PLEKHD1: variants seen among roughly 807,000 people sequenced by gnomAD.
The protein encoded by PLEKHD1 is pleckstrin homology domain-containing family D member 1.
PLEKHD1 carries 51 observed loss-of-function variants against 69.2 expected under a neutral mutation model. That is an observed-to-expected ratio of 0.74 (90% CI 0.59 to 0.93). PLEKHD1 has a LOEUF of 0.93. Among genes scored for constraint, PLEKHD1 ranks in the 40% least tolerant of loss-of-function variants. The pLI is 0.00. For synonymous variants in PLEKHD1, 236 were observed against 244.7 expected, an observed-to-expected ratio of 0.96 and a Z score of 0.33; for missense variants, 584 against 641.0, an observed-to-expected ratio of 0.91 and a Z score of 0.96.
upstream of PLEKHD1, among the ~76,000 whole-genome samples, chr14:69,481,311 A>G (rs911062749): frequency 1.3e-5 from 2 of 152,152 alleles, no homozygotes; most frequent in African/African-American, 4.8e-5. Context: ...TCAGAGTGAT[A>G]CCCTGTCTCT....
At chr14:69,474,369 C>G in the PLEKHD1 span, among the ~76,000 whole-genome samples, 1 of 152,122 alleles carries the variant, frequency 6.6e-6, no homozygotes, top group African/African-American at 2.4e-5. Context: ...GGGCTGAACT[C>G]TGACCACCGG....
At chr14:69,492,994 G>A (rs141980552) in intron 1 of PLEKHD1, among the ~76,000 whole-genome samples, 40 of 152,322 alleles carry the variant, frequency 2.6e-4, no homozygotes, top group Non-Finnish European at 3.5e-4. Flanking sequence ...TATGGACTCC[G>A]GGGTTGAAAT....
the PLEKHD1 span, among the ~76,000 whole-genome samples, chr14:69,477,782 G>A: frequency 6.6e-6 from 1 of 152,198 alleles, no homozygotes; most frequent in Non-Finnish European, 1.5e-5. Flanking sequence ...ATAGTCTTAG[G>A]CAGCTCCGCC....
At position 69,497,805 on chromosome 14, in the gene PLEKHD1, C is replaced by T. The variant is rs73281420; in HGVS notation, c.150-2310C>T. On this transcript the variant is annotated intron_variant, in intron 1 of 12. Transcript: ENST00000322564. ...GCAGTGGGGGCAGAAAGGCCTAGGA[C>T]GAGCATTGGCTTTAGTAGGGTATCA... 4.4e-3 allele frequency among the ~76,000 whole-genome samples: 670 copies of T among 152,194 alleles called. 4 individuals carry two copies. The highest frequency in any genetic ancestry group is 0.015 in the African/African-American group (622 of 41,514).
In PLEKHD1 at chr14:69,526,789, A is replaced by G. The variant is rs1243259064; in HGVS notation, c.1016A>G (p.Glu339Gly). The change falls in exon 10 of 13, where the codon GAG becomes GGG. Residue 339 changes from glutamate (E) to glycine (G), a missense_variant. Transcript: ENST00000322564. Reference protein sequence around the residue: ...QSQALQNSLQELTAEKQQAER... With the variant: ...QSQALQNSLQGLTAEKQQAER... ...CAGGCACTGCAGAACTCGCTGCAGG[A>G]GCTGACGGCAGAGAAGCAGCAGGCT... 6.5e-7 allele frequency: 1 copy of G among 1,550,094 alleles called. No homozygotes were observed. The highest frequency in any genetic ancestry group is 2.4e-5 in the East Asian group (1 of 40,872).
At chr14:69,468,006 C>T in the PLEKHD1 span, among the ~76,000 whole-genome samples, 1 of 152,194 alleles carries the variant, frequency 6.6e-6, no homozygotes, top group Admixed American at 6.5e-5. Context: ...TGATACACAG[C>T]CTTCTGTGCT....
chr14:69,482,391 G>T (rs1378762867), upstream of PLEKHD1, among the ~76,000 whole-genome samples: 4 of 152,184 alleles, frequency 2.6e-5, no homozygotes, highest in East Asian at 7.7e-4. Flanking sequence ...CAGCAGAAAA[G>T]AAATGAATGT....
At chr14:69,471,613 C>T in the PLEKHD1 span, among the ~76,000 whole-genome samples, 1 of 152,186 alleles carries the variant, frequency 6.6e-6, no homozygotes, top group East Asian at 1.9e-4. Flanking sequence ...ATGGTTTTCT[C>T]ATTCAGGACT....
chr14:69,485,783 G>C (rs1369088771), intron 1 of PLEKHD1, among the ~76,000 whole-genome samples: 1 of 152,226 alleles, frequency 6.6e-6, no homozygotes, highest in East Asian at 1.9e-4. Flanking sequence ...GTGAAGGAGG[G>C]GATAGATTGG....
At position 69,528,678 on chromosome 14, in the gene PLEKHD1, G is replaced by A; in HGVS notation, c.*259G>A. On this transcript the variant is annotated 3_prime_UTR_variant, in exon 13 of 13. Coordinates refer to ENST00000322564, the MANE Select transcript of PLEKHD1 (RefSeq NM_001161498.2). ...TGAGCTGGGTGCTGGTTGTCATGGT[G>A]AGGTGAGGACAGGACCTGGTTGTAT... 5.6e-6 allele frequency: 3 copies of A among 537,656 alleles called. No individual in the cohort carries two copies. The South Asian group carries it at 6.9e-5, about 12-fold the overall frequency. 33.3% of individuals were successfully genotyped at this position (537,656 alleles called of 1,614,324 possible).
chr14:69,476,855 A>G, the PLEKHD1 span, among the ~76,000 whole-genome samples: 4 of 152,186 alleles, frequency 2.6e-5, no homozygotes, highest in African/African-American at 9.7e-5. Flanking sequence ...AGACTGGGCA[A>G]TTTACAAAAG....
the PLEKHD1 span, among the ~76,000 whole-genome samples, chr14:69,467,926 C>T: frequency 2.0e-5 from 3 of 152,252 alleles, no homozygotes; most frequent in Admixed American, 1.3e-4. Context: ...ACAGGAGTTA[C>T]ATCTTCAACC....
chr14:69,504,526 G>C, intron 6 of PLEKHD1, among the ~76,000 whole-genome samples: 1 of 151,882 alleles, frequency 6.6e-6, no homozygotes, highest in Non-Finnish European at 1.5e-5. Context: ...CCCAAGACGA[G>C]TTCTTGGTAA....
At chr14:69,527,656 C>T in intron 11 of PLEKHD1, 127 bp from the exon 12 acceptor site, 1 of 1,267,068 alleles carries the variant, frequency 7.9e-7, no homozygotes, top group Non-Finnish European at 1.1e-6. Context: ...GCAGGTGGCT[C>T]TGGAATCTCG....
At chr14:69,506,958 A>G (rs550650523) in intron 6 of PLEKHD1, among the ~76,000 whole-genome samples, 67 of 130,376 alleles carry the variant, frequency 5.1e-4, no homozygotes, top group African/African-American at 1.8e-3. Context: ...GCTGGAGTGC[A>G]GTGGCGCGAT....
chr14:69,523,460 A>G (rs1233291658), intron 7 of PLEKHD1, among the ~76,000 whole-genome samples: 1 of 152,182 alleles, frequency 6.6e-6, no homozygotes, highest in Non-Finnish European at 1.5e-5. Flanking sequence ...AGAGGATCTT[A>G]CTAAGTAAAT....
At chr14:69,477,295 A>G in the PLEKHD1 span, among the ~76,000 whole-genome samples, 2 of 151,970 alleles carry the variant, frequency 1.3e-5, no homozygotes, top group South Asian at 4.2e-4. Context: ...GGAAAGACCC[A>G]CCCCCATGAT....
the PLEKHD1 span, among the ~76,000 whole-genome samples, chr14:69,470,194 G>A: frequency 6.6e-6 from 1 of 151,928 alleles, no homozygotes; most frequent in African/African-American, 2.4e-5. Flanking sequence ...CGGGCACAGT[G>A]GCTCATGCCT....
At chr14:69,501,918 GTC>G in intron 5 of PLEKHD1, 93 bp downstream of exon 5, 6 of 1,144,620 alleles carry the variant, frequency 5.2e-6, no homozygotes, top group Non-Finnish European at 6.2e-6. Flanking sequence ...AGGGATGAGG[GTC>G]TCTCAGGTGG....
Sources: gnomAD v4.1 joint callset for allele counts (sites outside exome capture counted in the v4.1 genomes callset) on GRCh38, gnomAD v4.1.1 for gene constraint, MANE v1.5 for transcripts, NCBI Gene and HGNC (gene_info 2026-07-23, HGNC 2026-07-21) for gene names.